The following NLRP9 variants were observed in gnomAD, a reference collection of about 807,000 sequenced individuals.
The protein encoded by NLRP9 is NACHT, LRR and PYD domains-containing protein 9.
NLRP9 carries 88 observed loss-of-function variants against 83.1 expected under a neutral mutation model. That is an observed-to-expected ratio of 1.06 (90% CI 0.89 to 1.26). NLRP9 has a LOEUF of 1.26. Among genes scored for constraint, NLRP9 ranks in the 50% most tolerant of loss-of-function variants. The pLI, the probability that NLRP9 is intolerant of heterozygous loss-of-function variation, is 0.00. For missense variants in NLRP9, 1,308 were observed against 1,179.3 expected (o/e 1.11, Z -1.60); for synonymous variants, 521 against 447.6 (o/e 1.16, Z -2.07).
chr19:55,713,433 T>C (rs1987852028), intron 6 of NLRP9, among the ~76,000 whole-genome samples: 2 of 151,644 alleles, frequency 1.3e-5, no homozygotes, highest in Admixed American at 1.3e-4. Flanking sequence ...CACTCACACA[T>C]ATATATGTAT....
chr19:55,712,428 C>T lies in NLRP9; in HGVS notation c.2664G>A (p.Glu888=), dbSNP rs750998996. The stretch of plus-strand genomic sequence containing the variant: ...GATCAGTAGATACTCACCCGAGACA[C>T]TCTAATTTACAGTGAGGATGCTGCA... ...AALQHPHCKL[E]CLGLQTCPIT... The change falls in exon 7 of 9, where the codon GAG becomes GAA. Residue 888 remains glutamate (E), a synonymous_variant. Coordinates refer to ENST00000332836, the MANE Select transcript of NLRP9 (RefSeq NM_176820.4). 1.9e-6 allele frequency: 3 copies of T among 1,612,312 alleles called. No homozygotes were observed. The South Asian group carries it at 3.3e-5, about 18-fold the overall frequency.
intron 4 of NLRP9, among the ~76,000 whole-genome samples, chr19:55,722,694 A>G (rs1169627967): frequency 1.3e-5 from 2 of 152,184 alleles, no homozygotes; most frequent in Admixed American, 1.3e-4. Context: ...AGATACATGC[A>G]CATGTATGTT....
rs545367469 is a variant in NLRP9, at chr19:55,717,886, G to C, written c.2160-988C>G. ...CCACACGCCACGCCCCAGCTCCACA[G>C]GGACAGATGCTCCTGCACTCGTGTG... On this transcript the variant is annotated intron_variant, in intron 4 of 8. Transcript: ENST00000332836. 2.6e-5 allele frequency among the ~76,000 whole-genome samples: 4 copies of C among 152,316 alleles called. No homozygotes were observed. The South Asian group carries it at 8.3e-4, about 32-fold the overall frequency.
intron 3 of NLRP9, among the ~76,000 whole-genome samples, chr19:55,725,227 A>G (rs1293361542): frequency 6.6e-6 from 1 of 152,256 alleles, no homozygotes; most frequent in Non-Finnish European, 1.5e-5. Flanking sequence ...CCAGATAAAT[A>G]CAAAACCAGA....
chr19:55,711,516 C>CA, intron 8 of NLRP9: 1 of 1,329,962 alleles, frequency 7.5e-7, no homozygotes, highest in Non-Finnish European at 1.0e-6. Flanking sequence ...TCACCTGGTG[C>CA]AACTGTGTCT....
At chr19:55,734,632 TA>T (rs1988730773) in intron 1 of NLRP9, among the ~76,000 whole-genome samples, 3 of 105,448 alleles carry the variant, frequency 2.8e-5, no homozygotes, top group Non-Finnish European at 4.1e-5. Flanking sequence ...TATATATATA[TA>T]TATATTTTTT....
intron 4 of NLRP9, among the ~76,000 whole-genome samples, chr19:55,718,399 C>A (rs1042262010): frequency 6.6e-6 from 1 of 151,976 alleles, no homozygotes; most frequent in South Asian, 2.1e-4. Context: ...CCTGCTGGTC[C>A]CTGGGAATGG....
Position 55,732,834 on chromosome 19 carries a change from A to G in NLRP9, c.997T>C (p.Leu333=), listed in dbSNP as rs772042268. Residue 333 remains leucine (L), a synonymous_variant, in exon 2 of 9, where the codon TTG becomes CTG. Coordinates refer to ENST00000332836, the MANE Select transcript of NLRP9 (RefSeq NM_176820.4). ...FVRDNGPLFI[L]CHNPFTCWLV... Reference sequence around the variant, plus strand: ...CAGCACGTAAAGGGATTATGGCACAAGATAAACAGCGGCCCATTATCTCTC... The same window carrying G: ...CAGCACGTAAAGGGATTATGGCACAGGATAAACAGCGGCCCATTATCTCTC... 4 of 1,614,212 alleles carry G rather than the reference A, an allele frequency of 2.5e-6. No individual in the cohort carries two copies. The highest frequency in any genetic ancestry group is 3.4e-6 in the Non-Finnish European group (4 of 1,180,044).
At chr19:55,728,305 G>T (rs947083735) in intron 3 of NLRP9, among the ~76,000 whole-genome samples, 2 of 152,086 alleles carry the variant, frequency 1.3e-5, no homozygotes, top group African/African-American at 2.4e-5. Context: ...GGCCAGGTGC[G>T]GTGGCTCACG....
intron 4 of NLRP9, among the ~76,000 whole-genome samples, chr19:55,717,136 T>G (rs1393759961): frequency 6.7e-6 from 1 of 149,866 alleles, no homozygotes; most frequent in Non-Finnish European, 1.5e-5. Flanking sequence ...CGGGTTCAAA[T>G]GATTCTCCTG....
At chr19:55,733,918 A>ATTTTTTTTT (rs1423854158) in intron 1 of NLRP9, among the ~76,000 whole-genome samples, 3 of 118,122 alleles carry the variant, frequency 2.5e-5, no homozygotes, top group East Asian at 4.2e-4. Flanking sequence ...TTGTCAACCA[A>ATTTTTTTTT]ATTTTTTTTT....
Position 55,713,116 on chromosome 19 carries a change from G to A in NLRP9, c.2502-526C>T, listed in dbSNP as rs541615314. Among the ~76,000 whole-genome samples the A allele has an allele frequency of 1.1e-3, 171 of 150,796 alleles. 1 individual carries two copies. Among genetic ancestry groups the A allele is most frequent in the African/African-American group, 3.9e-3 (158 of 40,998 alleles). On this transcript the variant is annotated intron_variant, in intron 6 of 8. Transcript: ENST00000332836. ...GTGGCCTCTCCTCATTATTCTCCCT[G>A]GTTGAAATGCTCCTGCCCCAATTAT...
At chr19:55,723,878 GA>G in intron 4 of NLRP9, 101 bp downstream of exon 4, 1 of 852,354 alleles carries the variant, frequency 1.2e-6, no homozygotes, top group Non-Finnish European at 1.9e-6. Flanking sequence ...CAAGAGAGAT[GA>G]AGGCTGATGC....
rs1401565480 is a variant in NLRP9 at position 55,733,013 on chromosome 19, A to G, written c.818T>C (p.Ile273Thr). 2 of 1,614,176 alleles carry G rather than the reference A, an allele frequency of 1.2e-6. No individual in the cohort carries two copies. The highest frequency in any genetic ancestry group is 1.7e-4 in the Middle Eastern group (1 of 6,060). ...KKMLPESSLL[I>T]ALGKLAMQKH... ...TTGCATAGCCAGTTTTCCTAATGCAATAAGGAGAGAGGATTCTGGAAGCAT... is the reference window on the plus strand; with the variant it reads ...TTGCATAGCCAGTTTTCCTAATGCAGTAAGGAGAGAGGATTCTGGAAGCAT... Residue 273 changes from isoleucine (I) to threonine (T), a missense_variant, in exon 2 of 9, where the codon ATT (isoleucine) becomes ACT (threonine). Transcript: ENST00000332836.
At chr19:55,713,376 T>C (rs1050552310) in intron 6 of NLRP9, among the ~76,000 whole-genome samples, 2 of 151,728 alleles carry the variant, frequency 1.3e-5, no homozygotes, top group African/African-American at 4.8e-5. Context: ...AGATGACATA[T>C]AGATACATGA....
chr19:55,734,004 G>C (rs1988699878), intron 1 of NLRP9, among the ~76,000 whole-genome samples: 1 of 143,404 alleles, frequency 7.0e-6, no homozygotes, highest in South Asian at 2.2e-4. Context: ...CTCACTGCAA[G>C]CTCCGCCTCC....
intron 4 of NLRP9, among the ~76,000 whole-genome samples, chr19:55,722,230 T>C (rs1988249391): frequency 2.6e-5 from 4 of 152,226 alleles, no homozygotes; most frequent in Admixed American, 2.6e-4. Context: ...ATGTCTATCA[T>C]TGTAGATATG....
chr19:55,734,415 A>G (rs1045375794), intron 1 of NLRP9, among the ~76,000 whole-genome samples: 6 of 148,024 alleles, frequency 4.1e-5, no homozygotes, highest in African/African-American at 9.9e-5. Context: ...AATTGTTTCT[A>G]AAATTGGTCT....
At position 55,724,205 on chromosome 19, in the gene NLRP9, C is replaced by A. The variant is rs1440131269; in HGVS notation, c.1995-61G>T. On this transcript the variant is annotated intron_variant, in intron 3 of 8. Transcript: ENST00000332836. ...TGAGATCCCAGCACAAAGACAGACA[C>A]CTCTTGTACGATTCTTCCTGCCCTG... is the stretch of plus-strand genomic sequence containing the variant. The A allele has an allele frequency of 1.4e-5, 17 of 1,178,798 alleles. No homozygotes were observed. The South Asian group carries it at 1.9e-4, about 13-fold the overall frequency. 73.0% of individuals were successfully genotyped at this position (1,178,798 alleles called of 1,614,324 possible).
Sources: allele counts gnomAD v4.1 joint callset (sites outside exome capture counted in the v4.1 genomes callset), GRCh38; gene constraint gnomAD v4.1.1; transcripts MANE v1.5; gene names NCBI Gene and HGNC (gene_info 2026-07-23, HGNC 2026-07-21).